The following LARS2 variants were observed in gnomAD, a reference collection of about 807,000 sequenced individuals.
LARS2 encodes leucyl-tRNA synthetase 2, mitochondrial, also known as leucine--tRNA ligase, mitochondrial.
Under a neutral mutation model 116.6 loss-of-function variants are expected in LARS2, and 81 were observed. The ratio of observed to expected loss-of-function variants is 0.69; its 90% CI spans 0.58 to 0.84. LARS2 has a LOEUF of 0.84. LARS2 is among the 40% of genes least tolerant of loss of function. The pLI is 0.00. For synonymous variants in LARS2, 396 were observed against 407.2 expected, an observed-to-expected ratio of 0.97 and a Z score of 0.33; for missense variants, 968 against 1,114.5, an observed-to-expected ratio of 0.87 and a Z score of 1.87.
At chr3:45,486,523 C>A (rs925072733) in intron 11 of LARS2, among the ~76,000 whole-genome samples, 4 of 152,142 alleles carry the variant, frequency 2.6e-5, no homozygotes, top group African/African-American at 9.7e-5. Context: ...TCCAGCCAGT[C>A]CCCAGAGTCC....
At chr3:45,453,248 AT>A (rs1255601170) in intron 7 of LARS2, among the ~76,000 whole-genome samples, 5 of 150,634 alleles carry the variant, frequency 3.3e-5, no homozygotes, top group Non-Finnish European at 7.4e-5. Flanking sequence ...TTCCTTGTGC[AT>A]TTTTTATCTG....
intron 8 of LARS2, among the ~76,000 whole-genome samples, chr3:45,462,595 G>A (rs1405783664): frequency 6.6e-6 from 1 of 152,226 alleles, no homozygotes; most frequent in Non-Finnish European, 1.5e-5. Context: ...TAGGAAAGCA[G>A]GCTTGGGCTT....
intron 3 of LARS2, among the ~76,000 whole-genome samples, chr3:45,397,070 T>A (rs1311630189): frequency 3.3e-5 from 5 of 151,314 alleles, no homozygotes; most frequent in Non-Finnish European, 7.4e-5. Flanking sequence ...GCAGAAGTCA[T>A]CTTTCTTCTA....
intron 7 of LARS2, among the ~76,000 whole-genome samples, chr3:45,455,619 T>C (rs966665682): frequency 2.6e-5 from 4 of 152,074 alleles, no homozygotes; most frequent in East Asian, 3.9e-4. Context: ...AACTACCATA[T>C]GATCCAGCAA....
intron 16 of LARS2, among the ~76,000 whole-genome samples, chr3:45,513,474 T>C (rs1700320151): frequency 1.3e-5 from 2 of 152,226 alleles, no homozygotes; most frequent in Non-Finnish European, 2.9e-5. Flanking sequence ...CACCTCAGCT[T>C]CTGGCAGGGT....
chr3:45,530,633 A>G (rs564060229), intron 20 of LARS2, among the ~76,000 whole-genome samples: 10 of 152,318 alleles, frequency 6.6e-5, no homozygotes, highest in African/African-American at 2.2e-4. Context: ...TTCTCACTTC[A>G]TATTATTTCC....
intron 6 of LARS2, among the ~76,000 whole-genome samples, chr3:45,426,691 G>A (rs1295527926): frequency 6.6e-6 from 1 of 152,140 alleles, no homozygotes. Context: ...GTGCTTGCCG[G>A]TCAAAAACAT....
In LARS2 at chr3:45,417,562, T is replaced by A; in HGVS notation, c.444T>A (p.Ser148Arg). Residue 148 changes from serine (S) to arginine (R), a missense_variant, in exon 5 of 22, where the codon AGT becomes AGA. By Grantham distance (110) the Ser-to-Arg change is moderately radical. Coordinates refer to ENST00000645846, the MANE Select transcript of LARS2 (RefSeq NM_015340.4). The stretch of plus-strand genomic sequence containing the variant: ...TCGAGAGGAATCTACATCCACAAAG[T>A]TGGACACAAAGGTAAGTGTTTACAG... ...AAVERNLHPQ[S>R]WTQSNIKHMR... The A allele has an allele frequency of 1.9e-6, 3 of 1,613,504 alleles. No homozygotes were observed. Among genetic ancestry groups the A allele is most frequent in the Non-Finnish European group, 2.5e-6 (3 of 1,179,486 alleles).
At chr3:45,533,436 T>C (rs896761179) in intron 20 of LARS2, among the ~76,000 whole-genome samples, 4 of 152,142 alleles carry the variant, frequency 2.6e-5, no homozygotes, top group African/African-American at 4.8e-5. Context: ...CGTGAGCCAC[T>C]GCGCCGGCCC....
chr3:45,537,165 G>T (rs186375187), intron 20 of LARS2, among the ~76,000 whole-genome samples: 4 of 151,228 alleles, frequency 2.6e-5, no homozygotes, highest in Non-Finnish European at 5.9e-5. Flanking sequence ...TTATAGTTCT[G>T]TGTGACTTTT....
intron 7 of LARS2, among the ~76,000 whole-genome samples, chr3:45,456,795 C>CTA (rs1165074508): frequency 2.6e-5 from 4 of 152,210 alleles, no homozygotes; most frequent in Non-Finnish European, 5.9e-5. Flanking sequence ...CCACCCAACT[C>CTA]TAGACTTCAC....
chr3:45,389,271 A>C (rs1234041584), intron 1 of LARS2, among the ~76,000 whole-genome samples: 1 of 148,962 alleles, frequency 6.7e-6, no homozygotes, highest in African/African-American at 2.5e-5. Flanking sequence ...TCTGCCTCCT[A>C]CTCAGGAGAA....
intron 13 of LARS2, among the ~76,000 whole-genome samples, chr3:45,492,154 G>A (rs1699930017): frequency 6.6e-6 from 1 of 152,182 alleles, no homozygotes; most frequent in South Asian, 2.1e-4. Context: ...ACGTGGAGAG[G>A]GGAGAAAATG....
At chr3:45,419,353 C>A (rs192996101) in intron 5 of LARS2, among the ~76,000 whole-genome samples, 21 of 152,270 alleles carry the variant, frequency 1.4e-4, no homozygotes, top group African/African-American at 5.1e-4. Context: ...AGAATATTGA[C>A]GTCTGGACGG....
At chr3:45,392,588 C>T (rs939832454) in intron 2 of LARS2, among the ~76,000 whole-genome samples, 2 of 152,066 alleles carry the variant, frequency 1.3e-5, no homozygotes, top group Non-Finnish European at 2.9e-5. Context: ...AACCATTGCC[C>T]GTGGCCTAAG....
At chr3:45,499,555 G>T (rs1700083696) in intron 14 of LARS2, among the ~76,000 whole-genome samples, 1 of 152,206 alleles carries the variant, frequency 6.6e-6, no homozygotes, top group African/African-American at 2.4e-5. Flanking sequence ...CCAGGAGTTG[G>T]AGGCTGCAGT....
chr3:45,392,333 G>A (rs922656242), intron 2 of LARS2, among the ~76,000 whole-genome samples: 1 of 134,466 alleles, frequency 7.4e-6, no homozygotes, highest in African/African-American at 2.8e-5. Context: ...ATGGAGTCTT[G>A]TTTTGTCGCC....
At position 45,426,364 on chromosome 3, in the gene LARS2, G is replaced by A. The variant is rs576613577; in HGVS notation, c.516+6635G>A. Among the ~76,000 whole-genome samples, 46 of 152,346 alleles carry A rather than the reference G, an allele frequency of 3.0e-4. No individual in the cohort carries two copies. The South Asian group carries it at 6.0e-3, about 20-fold the overall frequency. On this transcript the variant is annotated intron_variant, in intron 6 of 21. Transcript: ENST00000645846. ...CCTTGACAACATGTCACAGGCACCTGAAGTGTTTGACCCGCCCAGTCCTCT... is the reference window on the plus strand; with the variant it reads ...CCTTGACAACATGTCACAGGCACCTAAAGTGTTTGACCCGCCCAGTCCTCT...
intron 3 of LARS2, among the ~76,000 whole-genome samples, chr3:45,395,244 G>A (rs993522533): frequency 3.9e-5 from 6 of 152,212 alleles, no homozygotes; most frequent in Non-Finnish European, 7.3e-5. Context: ...ATGGTTTGGG[G>A]CACACCAGCC....
Sources: allele counts gnomAD v4.1 joint callset (sites outside exome capture counted in the v4.1 genomes callset), GRCh38; gene constraint gnomAD v4.1.1; transcripts MANE v1.5; gene names NCBI Gene and HGNC (gene_info 2026-07-23, HGNC 2026-07-21).